Variants in SPAG16 observed in about 807,000 individuals in gnomAD.
The protein encoded by SPAG16 is sperm associated antigen 16, also known as sperm-associated antigen 16 protein.
In SPAG16, 86 loss-of-function variants were observed where a neutral mutation model predicts 80.4. That is an observed-to-expected ratio of 1.07 (90% CI 0.90 to 1.28). The LOEUF (loss-of-function observed/expected upper bound fraction) is 1.28. Among genes scored for constraint, SPAG16 ranks in the 50% most tolerant of loss-of-function variants. The probability of loss-of-function intolerance (pLI) is 0.00; values close to 1 mark genes in which losing one functional copy is unlikely to be tolerated. For missense variants in SPAG16, 870 were observed against 765.3 expected (o/e 1.14, Z -1.61); for synonymous variants, 294 against 265.9 (o/e 1.11, Z -1.03).
intron 12 of SPAG16, among the ~76,000 whole-genome samples, chr2:213,991,589 C>T (rs868218361): frequency 6.6e-6 from 1 of 152,146 alleles, no homozygotes; most frequent in Non-Finnish European, 1.5e-5. Context: ...GCACTTGTCC[C>T]ACGCTGCATT....
In SPAG16 at chr2:213,607,023, T is replaced by C. The variant is rs1195041485; in HGVS notation, c.1070+116933T>C. On this transcript the variant is annotated intron_variant, in intron 10 of 15. Coordinates refer to ENST00000331683, the MANE Select transcript of SPAG16 (RefSeq NM_024532.5). ...TAGAAATCAGCTGGAGAAGTTTATA[T>C]TGCATGTGTTGAGCTCATCAGAAAG... Among the ~76,000 whole-genome samples, 4 of 152,180 alleles carry C rather than the reference T, an allele frequency of 2.6e-5. No homozygotes were observed. In the East Asian group the frequency reaches 5.8e-4, roughly 22 times the overall value.
At chr2:213,911,158 G>C (rs900703351) in intron 11 of SPAG16, among the ~76,000 whole-genome samples, 5 of 152,002 alleles carry the variant, frequency 3.3e-5, no homozygotes, top group African/African-American at 1.2e-4. Flanking sequence ...TTTTTGTTTT[G>C]TTTTGTTTGA....
At chr2:213,876,697 G>A (rs191369334) in intron 11 of SPAG16, among the ~76,000 whole-genome samples, 29 of 152,114 alleles carry the variant, frequency 1.9e-4, no homozygotes, top group Admixed American at 1.9e-3. Context: ...AAGCTTAATG[G>A]CTCTTTCTCA....
chr2:213,809,354 T>TG (rs2071975449), intron 10 of SPAG16, among the ~76,000 whole-genome samples: 3 of 152,148 alleles, frequency 2.0e-5, no homozygotes, highest in Admixed American at 2.0e-4. Flanking sequence ...GACTTGGGTA[T>TG]GTACTGTAAG....
chr2:213,877,545 G>A (rs974427403), intron 11 of SPAG16, among the ~76,000 whole-genome samples: 10 of 152,174 alleles, frequency 6.6e-5, no homozygotes, highest in African/African-American at 2.4e-4. Context: ...AAACTCTTGA[G>A]TTCAAGTGAT....
chr2:213,456,037 T>G (rs998539428), intron 9 of SPAG16, among the ~76,000 whole-genome samples: 5 of 152,340 alleles, frequency 3.3e-5, no homozygotes, highest in South Asian at 4.1e-4. Context: ...TGAAGTTGCC[T>G]GCCTTTCGCC....
intron 11 of SPAG16, among the ~76,000 whole-genome samples, chr2:213,883,852 T>C (rs2076448175): frequency 6.6e-6 from 1 of 152,198 alleles, no homozygotes; most frequent in South Asian, 2.1e-4. Flanking sequence ...TTATGCTTTC[T>C]GTTTTTATAG....
At chr2:213,668,721 T>C (rs905794868) in intron 10 of SPAG16, among the ~76,000 whole-genome samples, 2 of 152,146 alleles carry the variant, frequency 1.3e-5, no homozygotes, top group African/African-American at 4.8e-5. Context: ...CAATCTTGGC[T>C]CACTGCAACC....
chr2:214,018,086 A>G (rs1297713505), intron 13 of SPAG16, among the ~76,000 whole-genome samples: 1 of 152,154 alleles, frequency 6.6e-6, no homozygotes, highest in Non-Finnish European at 1.5e-5. Context: ...TATAATGCAA[A>G]GGAAACTCAT....
At chr2:213,359,114 G>A (rs2065836451) in intron 7 of SPAG16, among the ~76,000 whole-genome samples, 1 of 152,200 alleles carries the variant, frequency 6.6e-6, no homozygotes. Flanking sequence ...TTGCAGAGCA[G>A]CAAATATTGC....
chr2:214,205,383 T>C (rs1462189459), intron 15 of SPAG16, among the ~76,000 whole-genome samples: 2 of 152,242 alleles, frequency 1.3e-5, no homozygotes, highest in African/African-American at 4.8e-5. Context: ...TGTATTTTAC[T>C]TTTGATGCCT....
At chr2:214,279,103 CTTTTT>C (rs35554459) in intron 15 of SPAG16, among the ~76,000 whole-genome samples, 2 of 128,256 alleles carry the variant, frequency 1.6e-5, no homozygotes, top group African/African-American at 6.0e-5. Flanking sequence ...ATGAAACAAG[CTTTTT>C]TTTTTTTTTT....
rs376991580 is a variant in SPAG16 at position 214,298,141 on chromosome 2, T to TAC, written c.1721-111985_1721-111984dup. ...ACACACACACACACACACATACACATACACACACACACACATATACACACA... is the reference window on the plus strand; with the variant it reads ...ACACACACACACACACACATACACATACACACACACACACACATATACACACA... On this transcript the variant is annotated intron_variant, in intron 15 of 15. Transcript: ENST00000331683. Among the ~76,000 whole-genome samples, 256 of 132,396 alleles carry TAC rather than the reference T, an allele frequency of 1.9e-3. 1 individual carries two copies. The highest frequency in any genetic ancestry group is 7.5e-3 in the African/African-American group (246 of 32,774). The allele number at this position is 132,396 out of a possible 152,430, so 86.9% of individuals were successfully genotyped here. A position where few individuals can be genotyped will look rare whatever the true frequency, so the allele number is the denominator to read the frequency against.
At chr2:213,528,049 G>C (rs1233536319) in intron 10 of SPAG16, among the ~76,000 whole-genome samples, 2 of 152,026 alleles carry the variant, frequency 1.3e-5, no homozygotes, top group Non-Finnish European at 2.9e-5. Context: ...TATCAAACAA[G>C]GTGGATATTG....
intron 11 of SPAG16, among the ~76,000 whole-genome samples, chr2:213,907,506 C>T (rs2077478628): frequency 1.3e-5 from 2 of 151,820 alleles, no homozygotes; most frequent in South Asian, 4.2e-4. Flanking sequence ...ATAGAACTGC[C>T]ATATAACTCA....
chr2:213,837,527 A>C (rs558251284), intron 10 of SPAG16, among the ~76,000 whole-genome samples: 2 of 152,258 alleles, frequency 1.3e-5, no homozygotes, highest in African/African-American at 4.8e-5. Context: ...CAGCCCCGGT[A>C]AAATGTTGCT....
At chr2:213,596,507 C>G (rs1354710790) in intron 10 of SPAG16, among the ~76,000 whole-genome samples, 1 of 152,090 alleles carries the variant, frequency 6.6e-6, no homozygotes, top group Non-Finnish European at 1.5e-5. Context: ...AGGCATCTCT[C>G]TGACCTAAAT....
chr2:214,384,245 A>G (rs1039460011), intron 15 of SPAG16, among the ~76,000 whole-genome samples: 2 of 152,230 alleles, frequency 1.3e-5, no homozygotes, highest in African/African-American at 4.8e-5. Flanking sequence ...GCCTATCTGC[A>G]CTGTTTGTTA....
rs531916197 is a variant in SPAG16, at chr2:213,567,165, C to CT, written c.1070+77095dup. Among the ~76,000 whole-genome samples the CT allele has an allele frequency of 5.0e-3, 477 of 94,904 alleles. 1 individual carries two copies. Among genetic ancestry groups the CT allele is most frequent in the African/African-American group, 0.012 (302 of 25,664 alleles). 62.3% of individuals were successfully genotyped at this position (94,904 alleles called of 152,430 possible). ...TGCTCATTTCTAATCAACACAGATT[C>CT]TTTTTTTTTTTTTTTTTTTTGACTT... On this transcript the variant is annotated intron_variant, in intron 10 of 15. Transcript: ENST00000331683.
Sources: allele counts gnomAD v4.1 joint callset (sites outside exome capture counted in the v4.1 genomes callset), GRCh38; gene constraint gnomAD v4.1.1; transcripts MANE v1.5; gene names NCBI Gene and HGNC (gene_info 2026-07-23, HGNC 2026-07-21).